SLCO3A1: variants seen among roughly 807,000 people sequenced by gnomAD.
SLCO3A1 encodes solute carrier organic anion transporter family member 3A1, also known as PGE1 transporter.
Under a neutral mutation model 63.1 loss-of-function variants are expected in SLCO3A1, and 27 were observed. That is an observed-to-expected ratio of 0.43 (90% CI 0.32 to 0.59). SLCO3A1 has a LOEUF of 0.59. Among genes scored for constraint, SLCO3A1 ranks in the 20% least tolerant of loss-of-function variants. The pLI is 0.09. For missense variants in SLCO3A1, 773 were observed against 945.8 expected (o/e 0.82, Z 2.40); for synonymous variants, 473 against 409.9 (o/e 1.15, Z -1.86).
intron 2 of SLCO3A1, among the ~76,000 whole-genome samples, chr15:92,091,703 G>A (rs990423572): frequency 4.6e-5 from 7 of 152,240 alleles, no homozygotes; most frequent in African/African-American, 7.2e-5. Context: ...CTTGAGGTCC[G>A]TGTGACGAGG....
At chr15:92,105,912 C>T (rs1034379352) in intron 4 of SLCO3A1, among the ~76,000 whole-genome samples, 2 of 152,000 alleles carry the variant, frequency 1.3e-5, no homozygotes, top group African/African-American at 2.4e-5. Flanking sequence ...TAACAATGTG[C>T]GCCTTCTATA....
intron 2 of SLCO3A1, among the ~76,000 whole-genome samples, chr15:92,016,225 A>ATAGATAGAT (rs2046426338): frequency 1.1e-5 from 1 of 89,232 alleles, no homozygotes; most frequent in African/African-American, 5.3e-5. Context: ...AGATAGATAG[A>ATAGATAGAT]TAGATAGATA....
intron 5 of SLCO3A1, among the ~76,000 whole-genome samples, chr15:92,125,692 A>C (rs940407955): frequency 6.6e-6 from 1 of 151,988 alleles, no homozygotes; most frequent in African/African-American, 2.4e-5. Flanking sequence ...CTCACAGAGC[A>C]CATCACTGCT....
chr15:91,922,329 A>G (rs551304645), intron 2 of SLCO3A1, among the ~76,000 whole-genome samples: 3 of 152,284 alleles, frequency 2.0e-5, no homozygotes, highest in South Asian at 4.1e-4. Context: ...AATACACAGA[A>G]CAAGTGCTCT....
chr15:92,126,323 A>G lies in SLCO3A1; in HGVS notation c.1373+64A>G, dbSNP rs1329612413. 37 of 1,400,266 alleles carry G rather than the reference A, an allele frequency of 2.6e-5. No individual in the cohort carries two copies. In the East Asian group the frequency reaches 8.2e-4, roughly 31 times the overall value. 86.7% of individuals were successfully genotyped at this position (1,400,266 alleles called of 1,614,324 possible). A position where few individuals can be genotyped will look rare whatever the true frequency, so the allele number is the denominator to read the frequency against. On this transcript the variant is annotated intron_variant, in intron 6 of 9. Transcript: ENST00000318445. ...AGGGACCCTAGCAATCTCCCTCTGC[A>G]GTAGGTTGAGGGAACCAGCTTTGTT...
At chr15:92,165,999 G>T, downstream of SLCO3A1, 5 of 599,910 alleles carry the variant, frequency 8.3e-6, no homozygotes, top group Non-Finnish European at 1.0e-5. Context: ...GAAATTGACA[G>T]ATCTTTGTAA....
intron 2 of SLCO3A1, among the ~76,000 whole-genome samples, chr15:91,952,095 T>C (rs577078657): frequency 1.1e-4 from 17 of 152,334 alleles, no homozygotes; most frequent in African/African-American, 4.1e-4. Context: ...TGGTTTTGAT[T>C]TGCATTTTTC....
chr15:92,030,400 A>G (rs1319609934), intron 2 of SLCO3A1, among the ~76,000 whole-genome samples: 1 of 152,112 alleles, frequency 6.6e-6, no homozygotes, highest in Admixed American at 6.6e-5. Context: ...GTGGGGAAGG[A>G]TGGTGGTGGT....
intron 2 of SLCO3A1, among the ~76,000 whole-genome samples, chr15:91,966,121 T>C (rs17596562): frequency 0.06 from 9,091 of 152,204 alleles, 397 homozygotes; most frequent in Non-Finnish European, 0.091. Context: ...AGCTCTGATC[T>C]GAAGTAACAA....
intron 2 of SLCO3A1, among the ~76,000 whole-genome samples, chr15:92,019,778 T>C (rs2046484674): frequency 6.6e-6 from 1 of 152,202 alleles, no homozygotes; most frequent in African/African-American, 2.4e-5. Context: ...GTTAGATATG[T>C]ACAGAGCCCA....
At chr15:92,047,639 A>AAC (rs2046905811) in intron 2 of SLCO3A1, among the ~76,000 whole-genome samples, 1 of 103,068 alleles carries the variant, frequency 9.7e-6, no homozygotes, top group African/African-American at 3.7e-5. Context: ...TAAATATATA[A>AAC]ATATATATAT....
chr15:92,108,622 C>T (rs765900534), intron 4 of SLCO3A1, among the ~76,000 whole-genome samples: 7 of 152,288 alleles, frequency 4.6e-5, no homozygotes, highest in East Asian at 1.9e-4. Context: ...AAGTTGTCTC[C>T]GGCATCTCTT....
intron 2 of SLCO3A1, among the ~76,000 whole-genome samples, chr15:92,068,257 G>A (rs930948815): frequency 1.3e-5 from 2 of 152,186 alleles, no homozygotes; most frequent in East Asian, 3.9e-4. Context: ...GATAGAGTTA[G>A]AAATTAGACT....
chr15:92,073,007 G>C (rs2047234695), intron 2 of SLCO3A1, among the ~76,000 whole-genome samples: 1 of 152,080 alleles, frequency 6.6e-6, no homozygotes, highest in African/African-American at 2.4e-5. Context: ...TTATCACATT[G>C]TCAGGACCTT....
Position 91,916,324 on chromosome 15 carries a change from C to T in SLCO3A1, c.512C>T (p.Thr171Met), listed in dbSNP as rs565500840. Reference sequence around the variant, plus strand: ...CCCGACCTCATCTGCCGCAACCGGACGGCTACCAACATGATGTACTTGCTG... The same window carrying T: ...CCCGACCTCATCTGCCGCAACCGGATGGCTACCAACATGATGTACTTGCTG... The part of the protein sequence containing the change: ...PDPDLICRNR[T>M]ATNMMYLLLI... Residue 171 changes from threonine (T) to methionine (M), a missense_variant, in exon 2 of 10, where the codon ACG (threonine) becomes ATG (methionine). Thr to Met is a moderately conservative substitution (Grantham distance 81). Around this residue, in one of 3 missense-constraint regions of SLCO3A1, gnomAD observed 565 missense variants for 749.8 expected, o/e 0.75. Coordinates refer to ENST00000318445, the MANE Select transcript of SLCO3A1 (RefSeq NM_013272.4). This position sits in a 1 kb window ranked among gnomAD's most constrained non-coding sequence, Gnocchi z 6.2. The T allele has an allele frequency of 1.3e-6, 2 of 1,597,112 alleles. No homozygotes were observed. The highest frequency in any genetic ancestry group is 1.1e-5 in the South Asian group (1 of 88,716).
intron 4 of SLCO3A1, among the ~76,000 whole-genome samples, chr15:92,110,064 T>C (rs1311402287): frequency 6.6e-6 from 1 of 152,162 alleles, no homozygotes; most frequent in Non-Finnish European, 1.5e-5. Context: ...CCTTCCTGTG[T>C]CTGAGAAACG....
At chr15:92,148,718 G>C (rs2048263642) in intron 8 of SLCO3A1, 1 of 151,926 alleles carries the variant, frequency 6.6e-6, no homozygotes, top group Non-Finnish European at 1.5e-5. Context: ...TCTTAAAAAA[G>C]TACTCCTTTA....
intron 3 of SLCO3A1, among the ~76,000 whole-genome samples, chr15:92,102,989 G>T (rs114182262): frequency 0.011 from 1,708 of 152,292 alleles, 33 homozygotes; most frequent in African/African-American, 0.039. Context: ...TAGAGTTATG[G>T]GGAAGGTTGG....
chr15:91,927,953 A>T (rs1899089858), intron 2 of SLCO3A1, among the ~76,000 whole-genome samples: 1 of 152,222 alleles, frequency 6.6e-6, no homozygotes, highest in South Asian at 2.1e-4. Flanking sequence ...TGGGGCAAAG[A>T]GCCTTCTCTT....
Sources: gnomAD v4.1 joint callset for allele counts (sites outside exome capture counted in the v4.1 genomes callset) on GRCh38, gnomAD v4.1.1 for gene constraint, gnomAD v4.1.1 regional missense constraint, Gnocchi (gnomAD v3.1) non-coding constraint, MANE v1.5 for transcripts, NCBI Gene and HGNC (gene_info 2026-07-23, HGNC 2026-07-21) for gene names.